The following MAP2 variants were observed in gnomAD, a reference collection of about 807,000 sequenced individuals.
MAP2 encodes the protein microtubule-associated protein 2.
Under a neutral mutation model 137.6 loss-of-function variants are expected in MAP2, and 14 were observed. That is an observed-to-expected ratio of 0.10 (90% CI 0.07 to 0.16). The LOEUF (loss-of-function observed/expected upper bound fraction) is 0.16. MAP2 is among the 10% of genes least tolerant of loss of function. The pLI is 1.00. For synonymous variants in MAP2, 786 were observed against 782.3 expected (o/e 1.00, Z -0.08); for missense variants, 2,088 against 2,191.5 (o/e 0.95, Z 0.94).
intron 5 of MAP2, among the ~76,000 whole-genome samples, chr2:209,677,736 C>T (rs1208667715): frequency 6.6e-6 from 1 of 151,792 alleles, no homozygotes. Context: ...ATCTCACAGA[C>T]CAATCATTTT....
chr2:209,679,301 C>G (rs1401808080), intron 6 of MAP2, among the ~76,000 whole-genome samples: 1 of 151,904 alleles, frequency 6.6e-6, no homozygotes, highest in Non-Finnish European at 1.5e-5. Flanking sequence ...CACTCTCAGC[C>G]AAAGCCTTGC....
intron 10 of MAP2, among the ~76,000 whole-genome samples, chr2:209,699,929 A>T (rs907355196): frequency 6.6e-6 from 1 of 152,154 alleles, no homozygotes; most frequent in Non-Finnish European, 1.5e-5. Flanking sequence ...TTTTTCTTAA[A>T]TTTTGCAACA....
intron 1 of MAP2, among the ~76,000 whole-genome samples, chr2:209,430,341 A>G (rs1405594816): frequency 6.6e-6 from 1 of 151,806 alleles, no homozygotes; most frequent in Non-Finnish European, 1.5e-5. Context: ...CTGGTGTTTC[A>G]CAAGGGCTAA....
intron 4 of MAP2, among the ~76,000 whole-genome samples, chr2:209,652,011 A>G (rs2094836418): frequency 6.6e-6 from 1 of 152,184 alleles, no homozygotes; most frequent in African/African-American, 2.4e-5. Context: ...GGAAAAAGGA[A>G]GATGTTCTTA....
At position 209,709,928 on chromosome 2, in the gene MAP2, C is replaced by T. The variant is rs760779247; in HGVS notation, c.4747C>T (p.Arg1583Cys). 3 of 1,612,872 alleles carry T rather than the reference C, an allele frequency of 1.9e-6. No homozygotes were observed. Among genetic ancestry groups the T allele is most frequent in the Non-Finnish European group, 2.5e-6 (3 of 1,179,336 alleles). ...ARRTTRSEPI[R>C]RAGKSGTSTP... The stretch of plus-strand genomic sequence containing the variant: ...TGTTAATACAGGGTCAGAGCCAATT[C>T]GCAGAGCAGGGAAGAGTGGTACCTC... Residue 1583 changes from arginine to cysteine, a missense_variant, in exon 13 of 16, where the codon CGC (arginine) becomes TGC (cysteine). By Grantham distance (180) the Arg-to-Cys change is radical. This residue lies in a region of MAP2 where 591 missense variants were observed against 642.6 expected (regional missense o/e 0.92). Coordinates refer to ENST00000682079, the MANE Select transcript of MAP2 (RefSeq NM_001375505.1).
At chr2:209,430,389 ATAAT>A in intron 1 of MAP2, among the ~76,000 whole-genome samples, 1 of 151,926 alleles carries the variant, frequency 6.6e-6, no homozygotes, top group Non-Finnish European at 1.5e-5. Flanking sequence ...GTGTTTGTGT[ATAAT>A]TACTTTCTAA....
Position 209,700,259 on chromosome 2 carries a change from G to T in MAP2, c.4523-18G>T. On this transcript the variant is annotated intron_variant, in intron 10 of 15. Coordinates refer to ENST00000682079, the MANE Select transcript of MAP2 (RefSeq NM_001375505.1). ...TTAGCAACTAAGTTTGGGGTTGTTTGTCTTTTATTTTCAACAGCAGCAGGT... is the reference window on the plus strand; with the variant it reads ...TTAGCAACTAAGTTTGGGGTTGTTTTTCTTTTATTTTCAACAGCAGCAGGT... The T allele has an allele frequency of 6.2e-7, 1 of 1,610,900 alleles. No homozygotes were observed. Among genetic ancestry groups the T allele is most frequent in the Non-Finnish European group, 8.5e-7 (1 of 1,177,720 alleles).
intron 5 of MAP2, among the ~76,000 whole-genome samples, chr2:209,667,322 A>G (rs2046786002): frequency 6.6e-6 from 1 of 152,038 alleles, no homozygotes; most frequent in Non-Finnish European, 1.5e-5. Flanking sequence ...TTACTTTTAC[A>G]GTTTTTTTTA....
At chr2:209,502,481 A>T (rs1252706111) in intron 1 of MAP2, among the ~76,000 whole-genome samples, 1 of 152,144 alleles carries the variant, frequency 6.6e-6, no homozygotes, top group Non-Finnish European at 1.5e-5. Context: ...TTTTTAATCC[A>T]TTCATCTGTT....
chr2:209,451,225 C>T (rs980508368), intron 1 of MAP2, among the ~76,000 whole-genome samples: 2 of 152,198 alleles, frequency 1.3e-5, no homozygotes, highest in Non-Finnish European at 2.9e-5. Context: ...TTCATTTGCT[C>T]ATCACACTCA....
intron 2 of MAP2, among the ~76,000 whole-genome samples, chr2:209,512,896 C>G (rs541025918): frequency 6.6e-6 from 1 of 152,228 alleles, no homozygotes; most frequent in African/African-American, 2.4e-5. Context: ...ACCCTCCTGC[C>G]TTGGCTTTCC....
intron 3 of MAP2, among the ~76,000 whole-genome samples, chr2:209,614,222 T>TA (rs1278616793): frequency 3.3e-5 from 5 of 152,084 alleles, no homozygotes; most frequent in African/African-American, 1.2e-4. Context: ...GCCAATTAAA[T>TA]ACAACATAAT....
Position 209,710,111 on chromosome 2 carries a change from G to A in MAP2, c.4930G>A (p.Val1644Ile), listed in dbSNP as rs1249611751. 6.2e-6 allele frequency: 10 copies of A among 1,613,928 alleles called. No homozygotes were observed. Among genetic ancestry groups the A allele is most frequent in the Non-Finnish European group, 8.5e-6 (10 of 1,179,992 alleles). ...CATCTTGGTGCCGAGTGAGAAGAAGGTCGCCATCATACGTACTCCTCCAAA... is the reference window on the plus strand; with the variant it reads ...CATCTTGGTGCCGAGTGAGAAGAAGATCGCCATCATACGTACTCCTCCAAA... ...SAILVPSEKK[V>I]AIIRTPPKSP... The change falls in exon 13 of 16, where the codon GTC becomes ATC. Residue 1644 changes from valine to isoleucine, a missense_variant. Physicochemically the swap from Val to Ile is conservative, Grantham distance 29 (BLOSUM62 3). Around this residue, in one of 6 missense-constraint regions of MAP2, gnomAD observed 591 missense variants for 642.6 expected, o/e 0.92. Coordinates refer to ENST00000682079, the MANE Select transcript of MAP2 (RefSeq NM_001375505.1).
At position 209,524,558 on chromosome 2, in the gene MAP2, T is replaced by C. The variant is rs2063747322; in HGVS notation, c.-172+16917T>C. ...ATAAGGTAATACATGCAATACACTA[T>C]ACAATATAATATGTTACCAGGTAAT... On this transcript the variant is annotated intron_variant, in intron 2 of 15. Coordinates refer to ENST00000682079, the MANE Select transcript of MAP2 (RefSeq NM_001375505.1). Among the ~76,000 whole-genome samples, 2 of 152,106 alleles carry C rather than the reference T, an allele frequency of 1.3e-5. 1 individual carries two copies. The highest frequency in any genetic ancestry group is 2.9e-5 in the Non-Finnish European group (2 of 68,006).
At chr2:209,483,646 A>G (rs2058002695) in intron 1 of MAP2, among the ~76,000 whole-genome samples, 1 of 152,172 alleles carries the variant, frequency 6.6e-6, no homozygotes, top group Non-Finnish European at 1.5e-5. Flanking sequence ...GATATAGTCT[A>G]CCTATTATGG....
At chr2:209,557,376 C>A (rs2070926802) in intron 2 of MAP2, among the ~76,000 whole-genome samples, 1 of 152,148 alleles carries the variant, frequency 6.6e-6, no homozygotes, top group South Asian at 2.1e-4. Context: ...CTGTCCAATT[C>A]TTCAAGAATG....
chr2:209,511,332 C>A (rs1177991126), intron 2 of MAP2, among the ~76,000 whole-genome samples: 1 of 152,044 alleles, frequency 6.6e-6, no homozygotes, highest in Non-Finnish European at 1.5e-5. Context: ...TCCATGAAGA[C>A]CCTACCTCCA....
At chr2:209,467,793 G>T (rs1704525884) in intron 1 of MAP2, among the ~76,000 whole-genome samples, 1 of 152,126 alleles carries the variant, frequency 6.6e-6, no homozygotes, top group African/African-American at 2.4e-5. Flanking sequence ...TTAGCCATAA[G>T]ACCATGTGCA....
chr2:209,691,653 T>C (rs77458526), intron 7 of MAP2, among the ~76,000 whole-genome samples: 2,491 of 152,310 alleles, frequency 0.016, 65 homozygotes, highest in African/African-American at 0.057. Flanking sequence ...ATAAAGCCTT[T>C]TGGATTGTTG....
Sources: allele counts gnomAD v4.1 joint callset (sites outside exome capture counted in the v4.1 genomes callset), GRCh38; gene constraint gnomAD v4.1.1; regional missense constraint gnomAD v4.1.1; transcripts MANE v1.5; gene names NCBI Gene and HGNC (gene_info 2026-07-23, HGNC 2026-07-21).